The following NAA15 variants were observed in gnomAD, a reference collection of about 807,000 sequenced individuals.
NAA15 encodes N-alpha-acetyltransferase 15, NatA auxiliary subunit.
In NAA15, 34 loss-of-function variants were observed where a neutral mutation model predicts 114.0. The ratio of observed to expected loss-of-function variants is 0.30; its 90% confidence interval spans 0.23 to 0.40. The LOEUF (loss-of-function observed/expected upper bound fraction) is 0.40. Among genes scored for constraint, NAA15 ranks in the 10% least tolerant of loss-of-function variants. The pLI, the probability that NAA15 is intolerant of heterozygous loss-of-function variation, is 1.00. For synonymous variants in NAA15, 340 were observed against 338.0 expected (o/e 1.01, Z -0.06); for missense variants, 658 against 1,004.5 (o/e 0.66, Z 4.66).
In NAA15 at chr4:139,388,045, T is replaced by G. The variant is rs1471186794; in HGVS notation, c.2562T>G (p.Asp854Glu). 4.3e-6 allele frequency: 7 copies of G among 1,613,830 alleles called. No homozygotes were observed. The highest frequency in any genetic ancestry group is 2.2e-5 in the East Asian group (1 of 44,864). ...ATATGAAGATCACAGTTAATGGAGA[T>G]AGTTCTGCAGAAGCTGAAGAACTGG... is the stretch of plus-strand genomic sequence containing the variant. ...EEDMKITVNG[D>E]SSAEAEELAN... The change falls in exon 20 of 20, where the codon GAT becomes GAG. Residue 854 changes from aspartate (D) to glutamate (E), a missense_variant. Around this residue, in one of 6 missense-constraint regions of NAA15, gnomAD observed 275 missense variants for 371.1 expected, o/e 0.74. Coordinates refer to ENST00000296543, the MANE Select transcript of NAA15 (RefSeq NM_057175.5).
At chr4:139,353,398 T>G (rs1747844937) in intron 9 of NAA15, among the ~76,000 whole-genome samples, 1 of 152,182 alleles carries the variant, frequency 6.6e-6, no homozygotes, top group African/African-American at 2.4e-5. Flanking sequence ...GGTCATTCAA[T>G]AAAGCCATAA....
chr4:139,334,840 C>T (rs925441114), intron 2 of NAA15, among the ~76,000 whole-genome samples: 1 of 152,090 alleles, frequency 6.6e-6, no homozygotes, highest in Non-Finnish European at 1.5e-5. Context: ...CGTGGCTGTT[C>T]AGTAACTATT....
intron 1 of NAA15, among the ~76,000 whole-genome samples, chr4:139,325,109 AGGGGCGGG>A (rs1418832958): frequency 7.2e-6 from 1 of 138,746 alleles, no homozygotes; most frequent in Non-Finnish European, 1.6e-5. Context: ...ATCTCATTCA[AGGGGCGGG>A]GGGTTTAGTT....
intron 15 of NAA15, among the ~76,000 whole-genome samples, chr4:139,373,494 C>T (rs908153410): frequency 6.6e-6 from 1 of 152,022 alleles, no homozygotes; most frequent in Non-Finnish European, 1.5e-5. Context: ...AGCAGTAATT[C>T]CAGTAAAGAA....
intron 1 of NAA15, among the ~76,000 whole-genome samples, chr4:139,311,737 C>G (rs973242123): frequency 2.6e-5 from 4 of 151,754 alleles, no homozygotes; most frequent in Non-Finnish European, 5.9e-5. Flanking sequence ...GATTCTGACA[C>G]GAAGTCAGGG....
At chr4:139,372,957 G>C (rs1748483625) in intron 15 of NAA15, among the ~76,000 whole-genome samples, 1 of 152,048 alleles carries the variant, frequency 6.6e-6, no homozygotes, top group Admixed American at 6.6e-5. Context: ...CATGATCTTG[G>C]CTCACTGCAG....
chr4:139,309,861 A>G (rs1233611336), intron 1 of NAA15, among the ~76,000 whole-genome samples: 1 of 152,150 alleles, frequency 6.6e-6, no homozygotes, highest in Non-Finnish European at 1.5e-5. Flanking sequence ...ACTGAATTTA[A>G]TGTTCCATTT....
chr4:139,379,055 A>G (rs770511958), intron 17 of NAA15: 31 of 395,572 alleles, frequency 7.8e-5, no homozygotes, highest in Non-Finnish European at 1.3e-4. Flanking sequence ...TTTGACATAG[A>G]ATTATTCAGT....
Position 139,312,633 on chromosome 4 carries a change from C to T in NAA15, c.54+10802C>T, listed in dbSNP as rs149623038. ...GCCAATGTGGAAAATCTCTTGAAGT[C>T]GGGAGTTTGAGACCAGCCTGGGCAA... is the stretch of plus-strand genomic sequence containing the variant. On this transcript the variant is annotated intron_variant, in intron 1 of 19. Coordinates refer to ENST00000296543, the MANE Select transcript of NAA15 (RefSeq NM_057175.5). Among the ~76,000 whole-genome samples, 167 of 151,756 alleles carry T rather than the reference C, an allele frequency of 1.1e-3. 6 individuals carry two copies. In the East Asian group the frequency reaches 0.03, roughly 28 times the overall value.
chr4:139,320,328 A>G (rs559498952), intron 1 of NAA15, among the ~76,000 whole-genome samples: 16 of 152,298 alleles, frequency 1.1e-4, no homozygotes, highest in African/African-American at 3.4e-4. Context: ...GTGCCACTTC[A>G]TAGCCAGTCT....
At chr4:139,324,797 A>G (rs1416399883) in intron 1 of NAA15, among the ~76,000 whole-genome samples, 2 of 152,152 alleles carry the variant, frequency 1.3e-5, no homozygotes, top group South Asian at 2.1e-4. Flanking sequence ...CTCCTTTGTA[A>G]TAAGTGACCT....
intron 15 of NAA15, 93 bp downstream of exon 15, chr4:139,370,497 A>C (rs557628297): frequency 8.2e-7 from 1 of 1,224,882 alleles, no homozygotes; most frequent in Non-Finnish European, 1.1e-6. Context: ...ATATAACCTT[A>C]TGTGATATAG....
chr4:139,342,755 G>C, intron 4 of NAA15, 71 bp from the exon 5 acceptor site: 1 of 1,468,542 alleles, frequency 6.8e-7, no homozygotes, highest in Admixed American at 1.9e-5. Context: ...GCCTAATATG[G>C]AGATCTTTTA....
Position 139,386,118 on chromosome 4 carries a change from T to C in NAA15, c.2303-15T>C. 1 of 1,446,346 alleles carries C rather than the reference T, an allele frequency of 6.9e-7. No homozygotes were observed. Among genetic ancestry groups the C allele is most frequent in the Non-Finnish European group, 9.5e-7 (1 of 1,050,052 alleles). The allele number at this position is 1,446,346 out of a possible 1,614,324, so 89.6% of individuals were successfully genotyped here. A position where few individuals can be genotyped will look rare whatever the true frequency, so the allele number is the denominator to read the frequency against. ...TTTTACCTTGAAATAAATTTCCTAT[T>C]TCCCTCTCATTTAGCTGCCAAAATG... On this transcript the variant is annotated splice_polypyrimidine_tract_variant and intron_variant, in intron 18 of 19. Transcript: ENST00000296543.
At chr4:139,355,177 CAAA>C in intron 10 of NAA15, among the ~76,000 whole-genome samples, 2 of 152,116 alleles carry the variant, frequency 1.3e-5, no homozygotes, top group Non-Finnish European at 2.9e-5. Flanking sequence ...CCACGCCTGA[CAAA>C]AATTAATACT....
Position 139,370,190 on chromosome 4 carries a change from T to C in NAA15, c.1754-21T>C, listed in dbSNP as rs1748396674. ...TGATTAACATGCTTGTTAATTTTAT[T>C]AATTAACTTATTGCCTGCAGCAAAC... On this transcript the variant is annotated intron_variant, in intron 14 of 19. Coordinates refer to ENST00000296543, the MANE Select transcript of NAA15 (RefSeq NM_057175.5). 2.0e-6 allele frequency: 3 copies of C among 1,464,628 alleles called. No individual in the cohort carries two copies. In the East Asian group the frequency reaches 7.1e-5, roughly 35 times the overall value. 90.7% of individuals were successfully genotyped at this position (1,464,628 alleles called of 1,614,324 possible).
intron 1 of NAA15, among the ~76,000 whole-genome samples, chr4:139,313,794 A>G (rs1457740491): frequency 4.6e-5 from 7 of 151,660 alleles, no homozygotes; most frequent in African/African-American, 1.5e-4. Context: ...GCCTCGGCCT[A>G]CCAAAGTGCT....
chr4:139,357,740 T>C (rs560042633), intron 11 of NAA15, among the ~76,000 whole-genome samples, 185 bp downstream of exon 11: 2 of 152,342 alleles, frequency 1.3e-5, no homozygotes, highest in African/African-American at 4.8e-5. Flanking sequence ...AATTTGGTGA[T>C]TTATCTATAT....
At chr4:139,303,340 ATC>A (rs1745878075) in intron 1 of NAA15, among the ~76,000 whole-genome samples, 1 of 152,214 alleles carries the variant, frequency 6.6e-6, no homozygotes, top group African/African-American at 2.4e-5. Flanking sequence ...TTTATCTTTA[ATC>A]TCTTTTTCAC....
Sources: gnomAD v4.1 joint callset for allele counts (sites outside exome capture counted in the v4.1 genomes callset) on GRCh38, gnomAD v4.1.1 for gene constraint, gnomAD v4.1.1 regional missense constraint, MANE v1.5 for transcripts, NCBI Gene and HGNC (gene_info 2026-07-23, HGNC 2026-07-21) for gene names.